Variants in UBE2K observed in about 807,000 individuals in gnomAD.
UBE2K encodes the protein ubiquitin conjugating enzyme E2 K.
Under a neutral mutation model 30.0 loss-of-function variants are expected in UBE2K, and 6 were observed. That is an observed-to-expected ratio of 0.20 (90% CI 0.11 to 0.39). The LOEUF (loss-of-function observed/expected upper bound fraction) is 0.39. Ranked by LOEUF, UBE2K falls within the 10% of genes least tolerant of loss-of-function variation. The pLI, the probability that UBE2K is intolerant of heterozygous loss-of-function variation, is 1.00. For synonymous variants in UBE2K, 86 were observed against 83.7 expected (o/e 1.03, Z -0.15); for missense variants, 61 against 241.6 (o/e 0.25, Z 4.96).
chr4:39,724,576 G>A (rs1163408696), intron 1 of UBE2K, among the ~76,000 whole-genome samples: 10 of 73,834 alleles, frequency 1.4e-4, no homozygotes, highest in African/African-American at 5.6e-4. Flanking sequence ...GTAAAACCCC[G>A]TCTCTGCAAA....
At chr4:39,771,294 C>T in intron 4 of UBE2K, 9 of 1,611,938 alleles carry the variant, frequency 5.6e-6, no homozygotes, top group Non-Finnish European at 7.6e-6. Context: ...CTAAGATGAC[C>T]TTGTGGCCTC....
At chr4:39,702,161 T>C (rs1718049958) in intron 1 of UBE2K, among the ~76,000 whole-genome samples, 1 of 152,004 alleles carries the variant, frequency 6.6e-6, no homozygotes, top group Non-Finnish European at 1.5e-5. Flanking sequence ...TCTTATGCTA[T>C]ATGGCACCTG....
At position 39,698,218 on chromosome 4, in the gene UBE2K, C is replaced by A; in HGVS notation, c.-110C>A. The A allele has an allele frequency of 1.9e-6, 2 of 1,062,950 alleles. No individual in the cohort carries two copies. The highest frequency in any genetic ancestry group is 2.8e-6 in the Non-Finnish European group (2 of 701,882). 65.8% of individuals were successfully genotyped at this position (1,062,950 alleles called of 1,614,324 possible). ...GGGTGGTAGTGGCAGTGTTCGTGTGCTCAGGTCTGAATCGCCGAGGGAGGA... is the reference window on the plus strand; with the variant it reads ...GGGTGGTAGTGGCAGTGTTCGTGTGATCAGGTCTGAATCGCCGAGGGAGGA... On this transcript the variant is annotated 5_prime_UTR_variant, in exon 1 of 7. Coordinates refer to ENST00000261427, the MANE Select transcript of UBE2K (RefSeq NM_005339.5).
chr4:39,698,496 G>T, intron 1 of UBE2K, 106 bp downstream of exon 1: 1 of 1,043,404 alleles, frequency 9.6e-7, no homozygotes, highest in Non-Finnish European at 1.5e-6. Context: ...CCTCCTTGCG[G>T]CCGCCCTTCT....
chr4:39,699,745 A>G (rs1280708954), intron 1 of UBE2K, among the ~76,000 whole-genome samples: 2 of 152,208 alleles, frequency 1.3e-5, no homozygotes, highest in Non-Finnish European at 2.9e-5. Flanking sequence ...ATGAGTATAC[A>G]TGGAGAAAAA....
intron 4 of UBE2K, chr4:39,761,175 A>T (rs183129018): frequency 6.6e-6 from 1 of 152,152 alleles, no homozygotes; most frequent in Non-Finnish European, 1.5e-5. Flanking sequence ...TTGCCTAAGG[A>T]GACGTGAACC....
At position 39,777,678 on chromosome 4, in the gene UBE2K, A is replaced by G; in HGVS notation, c.400-4A>G. Reference sequence around the variant, plus strand: ...CATGTCAATCAATTTTTCCCCCCATATAGTACAAACAAAATCCCGAAATGT... The same window carrying G: ...CATGTCAATCAATTTTTCCCCCCATGTAGTACAAACAAAATCCCGAAATGT... On this transcript the variant is annotated splice_region_variant and splice_polypyrimidine_tract_variant and intron_variant, in intron 5 of 6. Coordinates refer to ENST00000261427, the MANE Select transcript of UBE2K (RefSeq NM_005339.5). 1 of 1,555,238 alleles carries G rather than the reference A, an allele frequency of 6.4e-7. No homozygotes were observed. The highest frequency in any genetic ancestry group is 1.3e-5 in the South Asian group (1 of 79,348).
At chr4:39,707,267 C>T (rs568756577) in intron 1 of UBE2K, among the ~76,000 whole-genome samples, 6 of 152,010 alleles carry the variant, frequency 3.9e-5, no homozygotes, top group Admixed American at 2.0e-4. Context: ...GGCTGGAGTG[C>T]GGTGACATGA....
chr4:39,727,129 AT>A (rs1260105810), intron 1 of UBE2K, among the ~76,000 whole-genome samples: 1 of 152,064 alleles, frequency 6.6e-6, no homozygotes, highest in East Asian at 1.9e-4. Context: ...TTACAGTTAC[AT>A]TATTCTTCTT....
intron 2 of UBE2K, among the ~76,000 whole-genome samples, chr4:39,744,893 C>T (rs1425065228): frequency 8.6e-5 from 12 of 139,716 alleles, no homozygotes; most frequent in Middle Eastern, 4.2e-3. Context: ...GGCAACAGAG[C>T]GAGACTCTGT....
chr4:39,719,626 C>A (rs1719310592), intron 1 of UBE2K, among the ~76,000 whole-genome samples: 1 of 152,170 alleles, frequency 6.6e-6, no homozygotes, highest in Admixed American at 6.6e-5. Flanking sequence ...TCTATGTACT[C>A]TTTTCTCTCA....
chr4:39,765,586 G>A (rs1410178453), intron 4 of UBE2K, among the ~76,000 whole-genome samples: 1 of 152,180 alleles, frequency 6.6e-6, no homozygotes, highest in African/African-American at 2.4e-5. Context: ...TTGGGAGGCC[G>A]AGATGGATGG....
At chr4:39,709,602 C>T (rs1224029500) in intron 1 of UBE2K, among the ~76,000 whole-genome samples, 2 of 151,924 alleles carry the variant, frequency 1.3e-5, no homozygotes, top group African/African-American at 4.8e-5. Context: ...TATGTATGTA[C>T]GTATAGGGTC....
chr4:39,760,376 A>G (rs1391715385), intron 4 of UBE2K, among the ~76,000 whole-genome samples: 1 of 152,090 alleles, frequency 6.6e-6, no homozygotes, highest in African/African-American at 2.4e-5. Context: ...TGGCAGATTT[A>G]TTAATAGCCC....
At chr4:39,737,358 G>A in intron 1 of UBE2K, 62 bp from the exon 2 acceptor site, 1 of 990,580 alleles carries the variant, frequency 1.0e-6, no homozygotes, top group Non-Finnish European at 1.5e-6. Context: ...TTTTTTATAG[G>A]TAATACTTTA....
chr4:39,772,695 T>C (rs1712978403), intron 4 of UBE2K, among the ~76,000 whole-genome samples: 1 of 151,930 alleles, frequency 6.6e-6, no homozygotes, highest in South Asian at 2.1e-4. Context: ...AAGCAACTTT[T>C]TTTTTTTTTT....
chr4:39,774,587 T>TG (rs1373871600), intron 4 of UBE2K, among the ~76,000 whole-genome samples: 2 of 150,384 alleles, frequency 1.3e-5, no homozygotes, highest in African/African-American at 2.5e-5. Context: ...CACTCCAGCC[T>TG]GGGCGACAGA....
chr4:39,720,289 C>T (rs932675788), intron 1 of UBE2K, among the ~76,000 whole-genome samples: 1 of 150,186 alleles, frequency 6.7e-6, no homozygotes, highest in Non-Finnish European at 1.5e-5. Context: ...TGTCCAAGCC[C>T]AAAACTGGGA....
intron 4 of UBE2K, among the ~76,000 whole-genome samples, chr4:39,773,129 C>CA (rs1365841174): frequency 6.6e-6 from 1 of 151,796 alleles, no homozygotes; most frequent in Non-Finnish European, 1.5e-5. Context: ...TAGTTTAATC[C>CA]AAAAAACTTG....
Sources: allele counts gnomAD v4.1 joint callset (sites outside exome capture counted in the v4.1 genomes callset), GRCh38; gene constraint gnomAD v4.1.1; transcripts MANE v1.5; gene names NCBI Gene and HGNC (gene_info 2026-07-23, HGNC 2026-07-21).